The following NEB variants were observed in gnomAD, a reference collection of about 807,000 sequenced individuals.
NEB encodes the protein nebulin.
Under a neutral mutation model 952.2 loss-of-function variants are expected in NEB, and 512 were observed. The observed-to-expected ratio is 0.54, with a 90% CI of 0.50 to 0.58. The LOEUF (loss-of-function observed/expected upper bound fraction) is 0.58, where lower values mean the gene tolerates loss of function less well. Ranked by LOEUF, NEB falls within the 20% of genes least tolerant of loss-of-function variation. The pLI is 0.00. For synonymous variants in NEB, 2,900 were observed against 3,149.8 expected (o/e 0.92, Z 2.66); for missense variants, 8,428 against 9,231.1 (o/e 0.91, Z 3.56).
chr2:151,575,642 A>G (rs981182837), intron 107 of NEB, 53 bp downstream of exon 107: 2 of 1,249,748 alleles, frequency 1.6e-6, no homozygotes, highest in Non-Finnish European at 2.3e-6. Context: ...CTCATAGTAT[A>G]GCCCTGACTG....
chr2:151,485,897 C>T lies in NEB; in HGVS notation c.25441G>A (p.Asp8481Asn). The T allele has an allele frequency of 2.5e-6, 4 of 1,613,938 alleles. No individual in the cohort carries two copies. The highest frequency in any genetic ancestry group is 2.5e-6 in the Non-Finnish European group (3 of 1,179,858). Reference sequence around the variant, plus strand: ...TCCTTGAAGGACACCTCATCTGCATCAGCAGCCATATAGTCATACATGGCA... The same window carrying T: ...TCCTTGAAGGACACCTCATCTGCATTAGCAGCCATATAGTCATACATGGCA... ...FRAMYDYMAADADEVSFKDGD... is the reference protein window; with the variant it reads ...FRAMYDYMAANADEVSFKDGD... Residue 8481 changes from aspartate to asparagine, a missense_variant, in exon 182 of 182, where the codon GAT becomes AAT. This residue lies in a region of NEB where 3,374 missense variants were observed against 3,651.5 expected (regional missense o/e 0.92). Coordinates refer to ENST00000397345, the MANE Select transcript of NEB (RefSeq NM_001164508.2).
chr2:151,644,166 T>A, intron 56 of NEB, 37 bp from the exon 57 acceptor site: 1 of 1,599,772 alleles, frequency 6.3e-7, no homozygotes, highest in Non-Finnish European at 8.5e-7. Context: ...CTTTCAAAAT[T>A]TACTTCTGTT....
At chr2:151,686,514 C>T (rs2099500231) in intron 27 of NEB, among the ~76,000 whole-genome samples, 2 of 152,084 alleles carry the variant, frequency 1.3e-5, no homozygotes. Context: ...TAAGTGAGCA[C>T]TATATACTGA....
intron 121 of NEB, among the ~76,000 whole-genome samples, chr2:151,561,797 C>T (rs1432468505): frequency 6.6e-6 from 1 of 152,086 alleles, no homozygotes; most frequent in African/African-American, 2.4e-5. Context: ...AAGGATGCTT[C>T]TACCTCCTAC....
At chr2:151,552,589 C>A in intron 128 of NEB, 83 bp downstream of exon 128, 1 of 903,252 alleles carries the variant, frequency 1.1e-6, no homozygotes. Flanking sequence ...TTGGCACTGC[C>A]CAGTCTATGG....
chr2:151,524,519 C>T lies in NEB; in HGVS notation c.22370G>A (p.Ser7457Asn). 6.2e-7 allele frequency: 1 copy of T among 1,613,980 alleles called. No homozygotes were observed. Among genetic ancestry groups the T allele is most frequent in the South Asian group, 1.1e-5 (1 of 91,086 alleles). ...KKATQAAKQA[S>N]EVEYRAKHRK... ...ACATTTTCATGACACCCTTACCTCACTGGCCTGTTTGGCTGCCTGTGTGGC... is the reference window on the plus strand; with the variant it reads ...ACATTTTCATGACACCCTTACCTCATTGGCCTGTTTGGCTGCCTGTGTGGC... Residue 7457 changes from serine to asparagine, a missense_variant, in exon 152 of 182, where the codon AGT becomes AAT. Ser to Asn is a conservative substitution (Grantham distance 46). Transcript: ENST00000397345.
intron 72 of NEB, among the ~76,000 whole-genome samples, chr2:151,620,652 C>A (rs199639494): frequency 1.3e-5 from 2 of 151,940 alleles, no homozygotes; most frequent in East Asian, 3.9e-4. Flanking sequence ...TTGTGAGTAG[C>A]TCAGCATACA....
At chr2:151,616,697 C>T (rs913038733) in intron 75 of NEB, among the ~76,000 whole-genome samples, 1 of 151,900 alleles carries the variant, frequency 6.6e-6, no homozygotes, top group Admixed American at 6.6e-5. Context: ...ATGTCTCAAA[C>T]GTAACAAAAC....
At chr2:151,721,917 G>A (rs1043855006) in intron 9 of NEB, among the ~76,000 whole-genome samples, 1 of 152,154 alleles carries the variant, frequency 6.6e-6, no homozygotes, top group Non-Finnish European at 1.5e-5. Context: ...GGAAGGATAC[G>A]ACTGTATCTG....
At chr2:151,534,210 A>G (rs773679295) in intron 142 of NEB, 1 of 1,611,354 alleles carries the variant, frequency 6.2e-7, no homozygotes, top group East Asian at 2.2e-5. Flanking sequence ...GCCCCATCAC[A>G]GTACCTGACT....
chr2:151,719,623 G>C (rs147972500), intron 9 of NEB, among the ~76,000 whole-genome samples: 1 of 152,136 alleles, frequency 6.6e-6, no homozygotes, highest in Non-Finnish European at 1.5e-5. Flanking sequence ...AGTGACTCAC[G>C]CCTGTAATCC....
Position 151,571,086 on chromosome 2 carries a change from A to G in NEB, c.17014-485T>C, listed in dbSNP as rs987093524. Among the ~76,000 whole-genome samples, 36 of 152,080 alleles carry G rather than the reference A, an allele frequency of 2.4e-4. 1 individual carries two copies. The highest frequency in any genetic ancestry group is 8.7e-4 in the African/African-American group (36 of 41,480). On this transcript the variant is annotated intron_variant, in intron 107 of 181. Coordinates refer to ENST00000397345, the MANE Select transcript of NEB (RefSeq NM_001164508.2). ...AATGGCACCATCTCGGCTCACCCCA[A>G]ACTCTGCCTCCCAGGCTCAAGCCAT...
At chr2:151,716,092 CCTT>C (rs1452642819) in intron 10 of NEB, 35 of 412,076 alleles carry the variant, frequency 8.5e-5, no homozygotes, top group Non-Finnish European at 1.5e-4. Flanking sequence ...GATAAATTGT[CCTT>C]CTCCCGTCTT....
At position 151,617,486 on chromosome 2, in the gene NEB, A is replaced by G. The variant is rs1055787776; in HGVS notation, c.11077-18T>C. ...TATAAGCGCTACAAAAAAAAAAAAA[A>G]AAGAGAGAGAGAGAGAGAAAAATTA... On this transcript the variant is annotated intron_variant, in intron 74 of 181. Transcript: ENST00000397345. 38 of 1,370,944 alleles carry G rather than the reference A, an allele frequency of 2.8e-5. No individual in the cohort carries two copies. The highest frequency in any genetic ancestry group is 4.8e-5 in the Admixed American group (2 of 41,778). The allele number at this position is 1,370,944 out of a possible 1,614,324, so 84.9% of individuals were successfully genotyped here. A position where few individuals can be genotyped will look rare whatever the true frequency, so the allele number is the denominator to read the frequency against.
chr2:151,616,895 T>C (rs1176482450), intron 75 of NEB, among the ~76,000 whole-genome samples: 1 of 152,252 alleles, frequency 6.6e-6, no homozygotes. Flanking sequence ...GATTCATATA[T>C]GGACCTGGGA....
chr2:151,644,963 C>A (rs1159243628), intron 55 of NEB, among the ~76,000 whole-genome samples: 1 of 152,094 alleles, frequency 6.6e-6, no homozygotes, highest in Non-Finnish European at 1.5e-5. Flanking sequence ...AGGCTACAAA[C>A]CTGTAGAGCA....
At chr2:151,725,658 G>T in intron 5 of NEB, 98 bp from the exon 6 acceptor site, 2 of 944,928 alleles carry the variant, frequency 2.1e-6, no homozygotes, top group Non-Finnish European at 3.3e-6. Flanking sequence ...TCAAGTTATA[G>T]CAATTATCAA....
At chr2:151,574,480 T>C (rs2096760537) in intron 107 of NEB, among the ~76,000 whole-genome samples, 1 of 152,178 alleles carries the variant, frequency 6.6e-6, no homozygotes, top group Admixed American at 6.5e-5. Flanking sequence ...CATTTATTCT[T>C]TCTTAACTAA....
intron 12 of NEB, among the ~76,000 whole-genome samples, chr2:151,709,096 T>C (rs1339669996): frequency 1.3e-5 from 2 of 152,234 alleles, no homozygotes; most frequent in African/African-American, 2.4e-5. Flanking sequence ...ACTCAGGCCA[T>C]TCACCAAAGT....
Sources: allele counts gnomAD v4.1 joint callset (sites outside exome capture counted in the v4.1 genomes callset), GRCh38; gene constraint gnomAD v4.1.1; regional missense constraint gnomAD v4.1.1; transcripts MANE v1.5; gene names NCBI Gene and HGNC (gene_info 2026-07-23, HGNC 2026-07-21).